MBNL1: variants seen among roughly 807,000 people sequenced by gnomAD.
MBNL1 encodes muscleblind like splicing regulator 1.
MBNL1 carries 8 observed loss-of-function variants against 42.2 expected under a neutral mutation model. That is an observed-to-expected ratio of 0.19 (90% confidence interval 0.11 to 0.34). MBNL1 has a LOEUF of 0.34. MBNL1 is among the 10% of genes least tolerant of loss of function. The pLI is 1.00. For missense variants in MBNL1, 309 were observed against 495.3 expected, an observed-to-expected ratio of 0.62 and a Z score of 3.57; for synonymous variants, 169 against 173.9, an observed-to-expected ratio of 0.97 and a Z score of 0.22.
intron 2 of MBNL1, among the ~76,000 whole-genome samples, chr3:152,382,619 A>G (rs1360577495): frequency 1.3e-5 from 2 of 152,162 alleles, no homozygotes; most frequent in Non-Finnish European, 2.9e-5. Flanking sequence ...CAGGCAATTA[A>G]TGCAACATAC....
At chr3:152,246,995 T>C (rs1387103680) in intron 2 of MBNL1, among the ~76,000 whole-genome samples, 1 of 152,180 alleles carries the variant, frequency 6.6e-6, no homozygotes, top group Admixed American at 6.6e-5. Flanking sequence ...AATAATTACA[T>C]TTAGGAATAA....
chr3:152,436,925 G>T (rs184960354), intron 4 of MBNL1, among the ~76,000 whole-genome samples: 59 of 152,242 alleles, frequency 3.9e-4, no homozygotes, highest in African/African-American at 1.3e-3. Context: ...TTGTTAACAG[G>T]ATCTGATCCA....
At chr3:152,300,458 G>C in intron 2 of MBNL1, 91 bp downstream of exon 2, 1 of 1,103,638 alleles carries the variant, frequency 9.1e-7, no homozygotes, top group Admixed American at 2.0e-5. Context: ...ATTATGGATT[G>C]CTTTGTTCAT....
intron 2 of MBNL1, among the ~76,000 whole-genome samples, chr3:152,360,148 G>T (rs1428562604): frequency 6.6e-6 from 1 of 151,976 alleles, no homozygotes; most frequent in Non-Finnish European, 1.5e-5. Flanking sequence ...CACTTTTTTA[G>T]TATCTTCAGC....
Position 152,456,375 on chromosome 3 carries a change from C to A in MBNL1, c.1092+14C>A, listed in dbSNP as rs779317074. 6.2e-7 allele frequency: 1 copy of A among 1,609,878 alleles called. No individual in the cohort carries two copies. Among genetic ancestry groups the A allele is most frequent in the South Asian group, 1.1e-5 (1 of 91,002 alleles). On this transcript the variant is annotated intron_variant, in intron 8 of 9. Transcript: ENST00000324210. ...ACAGCCAACCAGGTTTGCTAATTTA[C>A]AGCTTTGTTTCTTAAAAAACAACTC...
intron 2 of MBNL1, among the ~76,000 whole-genome samples, chr3:152,256,780 T>C (rs2035496749): frequency 6.6e-6 from 1 of 152,092 alleles, no homozygotes; most frequent in Non-Finnish European, 1.5e-5. Context: ...ATGGAAAAAA[T>C]GGCCTTCCCT....
chr3:152,379,241 C>T (rs1251842965), intron 2 of MBNL1, among the ~76,000 whole-genome samples: 1 of 152,074 alleles, frequency 6.6e-6, no homozygotes, highest in Non-Finnish European at 1.5e-5. Flanking sequence ...GAAGCAGGAA[C>T]TCCTATATAT....
intron 2 of MBNL1, among the ~76,000 whole-genome samples, chr3:152,256,232 A>G (rs2035430678): frequency 6.6e-6 from 1 of 152,194 alleles, no homozygotes; most frequent in Non-Finnish European, 1.5e-5. Flanking sequence ...TTACCTGGAT[A>G]AAAGTGAAAG....
intron 2 of MBNL1, among the ~76,000 whole-genome samples, chr3:152,364,805 A>G (rs1049788635): frequency 1.3e-5 from 2 of 152,118 alleles, no homozygotes; most frequent in African/African-American, 4.8e-5. Context: ...AATAGGGAGT[A>G]AATTTGTTAT....
At chr3:152,380,823 T>C (rs2097149218) in intron 2 of MBNL1, among the ~76,000 whole-genome samples, 1 of 152,110 alleles carries the variant, frequency 6.6e-6, no homozygotes, top group Non-Finnish European at 1.5e-5. Context: ...TTTTTCCTTG[T>C]GAATATTCAC....
chr3:152,382,665 T>C (rs1403774936), intron 2 of MBNL1, among the ~76,000 whole-genome samples: 1 of 152,134 alleles, frequency 6.6e-6, no homozygotes, highest in Non-Finnish European at 1.5e-5. Context: ...TGAAGATATT[T>C]GTCCTCAGTG....
Position 152,299,460 on chromosome 3 carries a change from A to AG in MBNL1, c.-733dup, listed in dbSNP as rs2059927387. On this transcript the variant is annotated 5_prime_UTR_variant, in exon 2 of 10. Coordinates refer to ENST00000324210, the MANE Select transcript of MBNL1 (RefSeq NM_021038.5). ...CTCTGCTGCTTGGAACCGCTTCTAG[A>AG]GCAGTCTCTGCTTTTGCCTTGCTTG... is the stretch of plus-strand genomic sequence containing the variant. 1 of 375,014 alleles carries AG rather than the reference A, an allele frequency of 2.7e-6. No homozygotes were observed. Among genetic ancestry groups the AG allele is most frequent in the Non-Finnish European group, 4.7e-6 (1 of 211,764 alleles). 23.2% of individuals were successfully genotyped at this position (375,014 alleles called of 1,614,324 possible).
At chr3:152,312,209 AAAAG>A (rs2067106019) in intron 2 of MBNL1, among the ~76,000 whole-genome samples, 1 of 151,700 alleles carries the variant, frequency 6.6e-6, no homozygotes. Flanking sequence ...AAAAAAAAAA[AAAAG>A]AGATGTATCT....
At chr3:152,269,164 A>G in intron 1 of MBNL1, 72 bp downstream of exon 1, 1 of 419,380 alleles carries the variant, frequency 2.4e-6, no homozygotes, top group Non-Finnish European at 4.8e-6. Context: ...CCCGTGGCTG[A>G]AGGAGGAAGT....
At chr3:152,378,040 A>G (rs926015421) in intron 2 of MBNL1, among the ~76,000 whole-genome samples, 1 of 152,216 alleles carries the variant, frequency 6.6e-6, no homozygotes, top group African/African-American at 2.4e-5. Flanking sequence ...GACTAACTAT[A>G]TTAAGAATGT....
chr3:152,326,695 C>T lies in MBNL1; in HGVS notation c.174+26328C>T, dbSNP rs3846071. 9.2e-3 allele frequency among the ~76,000 whole-genome samples: 1,391 copies of T among 151,964 alleles called. 21 individuals carry two copies. The highest frequency in any genetic ancestry group is 0.032 in the African/African-American group (1,322 of 41,478). On this transcript the variant is annotated intron_variant, in intron 2 of 9. Coordinates refer to ENST00000324210, the MANE Select transcript of MBNL1 (RefSeq NM_021038.5). ...ATCAATTTTCAGAATCAGATATTCT[C>T]TTCTAACATAAGATCTAAATAAGCT...
intron 8 of MBNL1, chr3:152,458,896 G>T (rs1166902262): frequency 2.5e-5 from 4 of 161,722 alleles, no homozygotes; most frequent in African/African-American, 9.6e-5. Flanking sequence ...ACAAAAATAG[G>T]CAAGACATTT....
intron 9 of MBNL1, among the ~76,000 whole-genome samples, chr3:152,461,888 C>G (rs1203023710): frequency 6.6e-6 from 1 of 151,854 alleles, no homozygotes; most frequent in African/African-American, 2.4e-5. Flanking sequence ...CTGAATTACC[C>G]AAAGCCATCA....
At chr3:152,323,113 A>G (rs180986212) in intron 2 of MBNL1, among the ~76,000 whole-genome samples, 7 of 152,266 alleles carry the variant, frequency 4.6e-5, no homozygotes, top group Non-Finnish European at 7.4e-5. Context: ...ATTACTGGTT[A>G]CTTCTCTTTA....
Sources: gnomAD v4.1 joint callset for allele counts (sites outside exome capture counted in the v4.1 genomes callset) on GRCh38, gnomAD v4.1.1 for gene constraint, MANE v1.5 for transcripts, NCBI Gene and HGNC (gene_info 2026-07-23, HGNC 2026-07-21) for gene names.